The following PLD5 variants were observed in gnomAD, a reference collection of about 807,000 sequenced individuals.
PLD5 encodes the protein phospholipase D family member 5.
Under a neutral mutation model 61.1 loss-of-function variants are expected in PLD5, and 36 were observed. The ratio of observed to expected loss-of-function variants is 0.59; its 90% CI spans 0.45 to 0.78. PLD5 has a LOEUF of 0.78. Ranked by LOEUF, PLD5 falls within the 30% of genes least tolerant of loss-of-function variation. The pLI, the probability that PLD5 is intolerant of heterozygous loss-of-function variation, is 0.00. For missense variants in PLD5, 515 were observed against 644.4 expected (o/e 0.80, Z 2.17); for synonymous variants, 243 against 242.8 (o/e 1.00, Z -0.01).
intron 4 of PLD5, among the ~76,000 whole-genome samples, chr1:242,246,772 T>C (rs898622932): frequency 6.6e-6 from 1 of 152,174 alleles, no homozygotes; most frequent in Non-Finnish European, 1.5e-5. Context: ...TGAGTGACCA[T>C]AGCCTGGGGA....
At chr1:242,123,786 G>T (rs1178608438) in intron 6 of PLD5, among the ~76,000 whole-genome samples, 2 of 152,236 alleles carry the variant, frequency 1.3e-5, no homozygotes, top group Non-Finnish European at 2.9e-5. Context: ...TGTAGGCCCA[G>T]ATATTTACAT....
At chr1:242,394,444 G>A (rs116259839) in intron 1 of PLD5, among the ~76,000 whole-genome samples, 10,430 of 94,274 alleles carry the variant, frequency 0.11, 2,159 homozygotes, top group Admixed American at 0.15. Flanking sequence ...GTATATATGT[G>A]TGTATATGAG....
intron 2 of PLD5, among the ~76,000 whole-genome samples, chr1:242,335,605 C>G (rs969396659): frequency 3.3e-5 from 5 of 152,124 alleles, no homozygotes; most frequent in African/African-American, 1.2e-4. Context: ...CTACATCTAG[C>G]CAAATGATTG....
At chr1:242,435,262 T>A (rs1665934478) in intron 1 of PLD5, among the ~76,000 whole-genome samples, 1 of 151,972 alleles carries the variant, frequency 6.6e-6, no homozygotes, top group Admixed American at 6.6e-5. Flanking sequence ...ATGTGCAGAG[T>A]GGTGAAAAAT....
intron 5 of PLD5, among the ~76,000 whole-genome samples, chr1:242,162,691 C>T (rs1021644833): frequency 1.3e-5 from 2 of 150,314 alleles, no homozygotes; most frequent in Admixed American, 6.6e-5. Context: ...TTCTCTTTCA[C>T]GATCAAAGCC....
chr1:242,169,343 G>A (rs1415610279), intron 5 of PLD5, among the ~76,000 whole-genome samples: 1 of 152,064 alleles, frequency 6.6e-6, no homozygotes. Context: ...AGGGGTCGGG[G>A]AATTTTCTCC....
intron 2 of PLD5, among the ~76,000 whole-genome samples, chr1:242,292,805 G>A (rs921509489): frequency 3.9e-5 from 6 of 152,140 alleles, no homozygotes; most frequent in Non-Finnish European, 5.9e-5. Context: ...GTAGTGACCG[G>A]ATCTTGTCAT....
intron 1 of PLD5, among the ~76,000 whole-genome samples, chr1:242,455,594 A>G (rs1666920110): frequency 6.6e-6 from 1 of 152,244 alleles, no homozygotes; most frequent in Admixed American, 6.5e-5. Context: ...ATTCAGTGCA[A>G]GCCTGTTTAG....
chr1:242,314,519 A>T (rs1287776566), intron 2 of PLD5, among the ~76,000 whole-genome samples: 1 of 151,780 alleles, frequency 6.6e-6, no homozygotes, highest in Non-Finnish European at 1.5e-5. Flanking sequence ...CTCCAGGAAA[A>T]CTCCTTCTCT....
At chr1:242,318,829 A>C (rs12139178) in intron 2 of PLD5, among the ~76,000 whole-genome samples, 10,266 of 152,130 alleles carry the variant, frequency 0.067, 357 homozygotes, top group Middle Eastern at 0.099. Context: ...CTTTTACTTC[A>C]AAAAGGGGGA....
chr1:242,430,269 G>C (rs1176928630), intron 1 of PLD5, among the ~76,000 whole-genome samples: 1 of 151,698 alleles, frequency 6.6e-6, no homozygotes, highest in Non-Finnish European at 1.5e-5. Context: ...TTCAAGATCA[G>C]GGAGCTGACT....
At chr1:242,279,865 T>C (rs1674625281) in intron 3 of PLD5, among the ~76,000 whole-genome samples, 2 of 152,222 alleles carry the variant, frequency 1.3e-5, no homozygotes, top group Admixed American at 1.3e-4. Flanking sequence ...AGAGAGCAAT[T>C]TGAATTGTAT....
At chr1:242,490,521 T>A (rs533698290) in intron 1 of PLD5, among the ~76,000 whole-genome samples, 1 of 152,364 alleles carries the variant, frequency 6.6e-6, no homozygotes, top group Admixed American at 6.5e-5. Flanking sequence ...ACACATTTTC[T>A]TAATAACATA....
At chr1:242,504,002 C>G (rs1668641274) in intron 1 of PLD5, among the ~76,000 whole-genome samples, 1 of 152,148 alleles carries the variant, frequency 6.6e-6, no homozygotes, top group Non-Finnish European at 1.5e-5. Context: ...TAATGCTGAA[C>G]TTATCACAAG....
intron 5 of PLD5, among the ~76,000 whole-genome samples, chr1:242,127,620 T>C (rs1662899107): frequency 1.3e-5 from 2 of 151,634 alleles, no homozygotes; most frequent in South Asian, 4.2e-4. Flanking sequence ...TGCAAAGGCA[T>C]AAGAATGATA....
chr1:242,136,423 A>G (rs2840612), intron 5 of PLD5, among the ~76,000 whole-genome samples: 103,358 of 152,024 alleles, frequency 0.68, 35,789 homozygotes, highest in African/African-American at 0.81. Flanking sequence ...TTTTCATTTT[A>G]GTATTCACCA....
chr1:242,097,004 G>GT (rs912647679), intron 9 of PLD5, among the ~76,000 whole-genome samples: 4 of 151,710 alleles, frequency 2.6e-5, no homozygotes, highest in South Asian at 2.1e-4. Flanking sequence ...GCGGTGTTTG[G>GT]TTTTTTGTCC....
intron 3 of PLD5, among the ~76,000 whole-genome samples, chr1:242,285,778 A>T (rs1253774063): frequency 6.6e-6 from 1 of 151,956 alleles, no homozygotes; most frequent in Admixed American, 6.6e-5. Flanking sequence ...ATAGAAGTAA[A>T]CTACAGTTTA....
At chr1:242,445,379 T>C (rs1281566114) in intron 1 of PLD5, among the ~76,000 whole-genome samples, 1 of 152,142 alleles carries the variant, frequency 6.6e-6, no homozygotes, top group African/African-American at 2.4e-5. Context: ...TCTTGCTCTG[T>C]CCTCCAGGCT....
Sources: allele counts gnomAD v4.1 joint callset (sites outside exome capture counted in the v4.1 genomes callset), GRCh38; gene constraint gnomAD v4.1.1; transcripts MANE v1.5; gene names NCBI Gene and HGNC (gene_info 2026-07-23, HGNC 2026-07-21).